CAMTA1: variants seen among roughly 807,000 people sequenced by gnomAD.
CAMTA1 encodes calmodulin binding transcription activator 1, also known as calmodulin-binding transcription activator 1.
Under a neutral mutation model 170.9 loss-of-function variants are expected in CAMTA1, and 27 were observed. The observed-to-expected ratio is 0.16, with a 90% CI of 0.12 to 0.22. CAMTA1 has a LOEUF of 0.22. Among genes scored for constraint, CAMTA1 ranks in the 10% least tolerant of loss-of-function variants. CAMTA1 has a pLI of 1.00. For synonymous variants in CAMTA1, 833 were observed against 891.5 expected (o/e 0.93, Z 1.17); for missense variants, 1,619 against 2,217.2 (o/e 0.73, Z 5.42).
rs1305647850 is a variant in CAMTA1 at position 7,681,162 on chromosome 1, A to G, written c.2914+3429A>G. On this transcript the variant is annotated intron_variant, in intron 11 of 22. Transcript: ENST00000303635. This position sits in a 1 kb window ranked among gnomAD's most constrained non-coding sequence, Gnocchi z 4.6. ...CTTCCCCTCCCTTCCCCTGCGCCCC[A>G]CTGTGAGCTCCAGGGTCAAAGGCCC... Among the ~76,000 whole-genome samples, 2 of 151,824 alleles carry G rather than the reference A, an allele frequency of 1.3e-5. No individual in the cohort carries two copies. Among genetic ancestry groups the G allele is most frequent in the African/African-American group, 2.4e-5 (1 of 41,310 alleles).
Position 7,729,709 on chromosome 1 carries a change from CT to C in CAMTA1, c.2915-2738del, listed in dbSNP as rs547609233. Among the ~76,000 whole-genome samples the C allele has an allele frequency of 1.6e-4, 24 of 152,320 alleles. No homozygotes were observed. In the East Asian group the frequency reaches 4.6e-3, roughly 29 times the overall value. ...TCTCCATGTGCCTCAGTTTTCTCATCTGGAAAATGAGGATAATAACAACACC... is the reference window on the plus strand; with the variant it reads ...TCTCCATGTGCCTCAGTTTTCTCATCGGAAAATGAGGATAATAACAACACC... On this transcript the variant is annotated intron_variant, in intron 11 of 22. Coordinates refer to ENST00000303635, the MANE Select transcript of CAMTA1 (RefSeq NM_015215.4).
intron 19 of CAMTA1, among the ~76,000 whole-genome samples, chr1:7,747,995 C>T (rs2096869193): frequency 6.6e-6 from 1 of 151,750 alleles, no homozygotes; most frequent in Admixed American, 6.6e-5. Context: ...TCACTGCAAC[C>T]TCCACCTCCC....
intron 6 of CAMTA1, among the ~76,000 whole-genome samples, chr1:7,492,666 C>T (rs1269164932): frequency 5.1e-5 from 5 of 97,340 alleles, no homozygotes; most frequent in Non-Finnish European, 7.6e-5. Flanking sequence ...CACAAACATA[C>T]GAACACACAC....
chr1:6,924,089 G>A (rs1333018708), intron 3 of CAMTA1, among the ~76,000 whole-genome samples: 1 of 152,202 alleles, frequency 6.6e-6, no homozygotes, highest in Non-Finnish European at 1.5e-5. Context: ...CGCAGGCTGA[G>A]CCTGGCTGGC....
rs746000883 is a variant in CAMTA1, at chr1:6,825,119, A to C, written c.143A>C (p.His48Pro). The change falls in exon 3 of 23, where the codon CAT (histidine) becomes CCT (proline). Residue 48 changes from histidine to proline, a missense_variant. Physicochemically the swap from His to Pro is moderately conservative, Grantham distance 77 (BLOSUM62 -2). Coordinates refer to ENST00000303635, the MANE Select transcript of CAMTA1 (RefSeq NM_015215.4). The part of the protein sequence containing the change: ...EDDHGNSNSS[H>P]VKIFLPKKLL... ...GATCATGGGAACAGCAATAGTAGTC[A>C]TGTAAAAATCTTTTTACCGAAAAAG... The C allele has an allele frequency of 6.2e-7, 1 of 1,603,112 alleles. No homozygotes were observed. Among genetic ancestry groups the C allele is most frequent in the African/African-American group, 1.3e-5 (1 of 74,458 alleles).
Position 6,899,554 on chromosome 1 carries a change from G to GCACACACACACACACA in CAMTA1, c.234+74369_234+74384dup, listed in dbSNP as rs70984034. 2.7e-4 allele frequency among the ~76,000 whole-genome samples: 38 copies of GCACACACACACACACA among 141,178 alleles called. 1 individual carries two copies. The highest frequency in any genetic ancestry group is 4.4e-4 in the South Asian group (2 of 4,552). 92.6% of individuals were successfully genotyped at this position (141,178 alleles called of 152,430 possible). On this transcript the variant is annotated intron_variant, in intron 3 of 22. Coordinates refer to ENST00000303635, the MANE Select transcript of CAMTA1 (RefSeq NM_015215.4). Reference sequence around the variant, plus strand: ...ATGTGTATAACGCGCACGCGCGCGCGCACACACACACACACACACACACAC... The same window carrying GCACACACACACACACA: ...ATGTGTATAACGCGCACGCGCGCGCGCACACACACACACACACACACACACACACACACACACACAC...
intron 5 of CAMTA1, among the ~76,000 whole-genome samples, chr1:7,350,687 A>G (rs1384514800): frequency 1.3e-5 from 2 of 152,116 alleles, no homozygotes; most frequent in Non-Finnish European, 2.9e-5. Context: ...GTTAGTACAG[A>G]ATGGTCAGGT....
At chr1:6,866,570 G>GGGGT (rs1456277884) in intron 3 of CAMTA1, among the ~76,000 whole-genome samples, 2 of 152,184 alleles carry the variant, frequency 1.3e-5, no homozygotes, top group Admixed American at 1.3e-4. Flanking sequence ...AGTGGGTAGT[G>GGGGT]GGGTAGCACG....
Position 7,665,267 on chromosome 1 carries a change from C to T in CAMTA1, c.2652+68C>T. On this transcript the variant is annotated intron_variant, in intron 9 of 22. Coordinates refer to ENST00000303635, the MANE Select transcript of CAMTA1 (RefSeq NM_015215.4). This position sits in a 1 kb window ranked among gnomAD's most constrained non-coding sequence, Gnocchi z 4.3. ...CCCACCTCGCCAGCCCCTGCGCCAC[C>T]CTGCAGCTAAGGGATGCCTGTGGCT... 5.3e-6 allele frequency: 7 copies of T among 1,326,022 alleles called. No homozygotes were observed. The highest frequency in any genetic ancestry group is 6.9e-6 in the Non-Finnish European group (7 of 1,015,094). The allele number at this position is 1,326,022 out of a possible 1,614,324, so 82.1% of individuals were successfully genotyped here.
intron 11 of CAMTA1, among the ~76,000 whole-genome samples, chr1:7,704,969 G>T (rs1020811381): frequency 8.2e-6 from 1 of 121,638 alleles, no homozygotes; most frequent in African/African-American, 3.0e-5. Context: ...GGCGCGCGCG[G>T]GGCGGGGGCG....
chr1:6,903,830 G>A (rs1433280087), intron 3 of CAMTA1, among the ~76,000 whole-genome samples: 2 of 152,226 alleles, frequency 1.3e-5, no homozygotes, highest in Non-Finnish European at 2.9e-5. Flanking sequence ...GGAAGGAACG[G>A]TGTGGACAAA....
intron 3 of CAMTA1, among the ~76,000 whole-genome samples, chr1:6,847,328 A>G (rs1483632334): frequency 2.0e-5 from 3 of 152,166 alleles, no homozygotes; most frequent in Non-Finnish European, 4.4e-5. Flanking sequence ...AAAGAGAATC[A>G]GCAAGAAAAC....
intron 3 of CAMTA1, among the ~76,000 whole-genome samples, chr1:6,850,036 GAAA>G (rs146898163): frequency 4.6e-5 from 3 of 65,084 alleles, no homozygotes; most frequent in African/African-American, 1.1e-4. Flanking sequence ...CTTTGTCTCA[GAAA>G]AAAAAAAAAA....
intron 5 of CAMTA1, among the ~76,000 whole-genome samples, chr1:7,307,911 TTG>T (rs1675833740): frequency 6.6e-6 from 1 of 152,070 alleles, no homozygotes; most frequent in Non-Finnish European, 1.5e-5. Context: ...CTGGAAGAGT[TTG>T]TGTAAAATTG....
chr1:7,621,577 G>C (rs2095598542), intron 6 of CAMTA1, among the ~76,000 whole-genome samples: 1 of 152,326 alleles, frequency 6.6e-6, no homozygotes, highest in Admixed American at 6.5e-5. Context: ...AAGTTAATAA[G>C]AAACTAAGAA....
chr1:7,642,580 G>T lies in CAMTA1; in HGVS notation c.664+2027G>T, dbSNP rs1451606681. 6.6e-6 allele frequency among the ~76,000 whole-genome samples: 1 copy of T among 152,174 alleles called. No homozygotes were observed. The highest frequency in any genetic ancestry group is 2.4e-5 in the African/African-American group (1 of 41,436). On this transcript the variant is annotated intron_variant, in intron 7 of 22. Coordinates refer to ENST00000303635, the MANE Select transcript of CAMTA1 (RefSeq NM_015215.4). This position sits in a 1 kb window ranked among gnomAD's most constrained non-coding sequence, Gnocchi z 6.3. ...TCCTGCCTAGACCCCGCCCCAGGGG[G>T]CCTACTGATACTTTCTCTGCCGCAG...
intron 5 of CAMTA1, among the ~76,000 whole-genome samples, chr1:7,453,549 C>G (rs2092879413): frequency 6.6e-6 from 1 of 152,254 alleles, no homozygotes; most frequent in Non-Finnish European, 1.5e-5. Flanking sequence ...GAACCCCCAG[C>G]TCTGAGCCAA....
At chr1:7,264,297 A>G (rs1426581365) in intron 5 of CAMTA1, among the ~76,000 whole-genome samples, 1 of 152,162 alleles carries the variant, frequency 6.6e-6, no homozygotes, top group African/African-American at 2.4e-5. Context: ...GTGTTGTGGA[A>G]GTGAAGTCAG....
intron 6 of CAMTA1, among the ~76,000 whole-genome samples, chr1:7,522,921 C>T (rs1039958696): frequency 8.5e-5 from 13 of 152,212 alleles, no homozygotes; most frequent in African/African-American, 2.7e-4. Context: ...GGCTGGAGTG[C>T]AGTGGTGCAG....
Sources: allele counts gnomAD v4.1 joint callset (sites outside exome capture counted in the v4.1 genomes callset), GRCh38; gene constraint gnomAD v4.1.1; non-coding constraint Gnocchi (gnomAD v3.1); transcripts MANE v1.5; gene names NCBI Gene and HGNC (gene_info 2026-07-23, HGNC 2026-07-21).